The following TLL1 variants were observed in gnomAD, a reference collection of about 807,000 sequenced individuals.
TLL1 encodes tolloid-like protein 1.
Under a neutral mutation model 128.2 loss-of-function variants are expected in TLL1, and 49 were observed. The observed-to-expected ratio is 0.38, with a 90% CI of 0.30 to 0.48. The LOEUF is 0.48. TLL1 is among the 20% of genes least tolerant of loss of function. The probability of loss-of-function intolerance (pLI) is 0.96; values close to 1 mark genes in which losing one functional copy is unlikely to be tolerated. For missense variants in TLL1, 1,123 were observed against 1,242.0 expected, an observed-to-expected ratio of 0.90 and a Z score of 1.44; for synonymous variants, 454 against 418.8, an observed-to-expected ratio of 1.08 and a Z score of -1.03.
At chr4:165,969,254 G>A (rs1388425127) in intron 1 of TLL1, among the ~76,000 whole-genome samples, 1 of 151,930 alleles carries the variant, frequency 6.6e-6, no homozygotes, top group Non-Finnish European at 1.5e-5. Flanking sequence ...GTTTCCTGAT[G>A]GTTGACCAGA....
At chr4:166,001,081 G>A (rs1163468844) in intron 5 of TLL1, among the ~76,000 whole-genome samples, 1 of 152,042 alleles carries the variant, frequency 6.6e-6, no homozygotes, top group Non-Finnish European at 1.5e-5. Context: ...AAAATCAAAA[G>A]GGCTGTCAAA....
intron 1 of TLL1, among the ~76,000 whole-genome samples, chr4:165,927,764 G>C (rs796109448): frequency 1.8e-4 from 28 of 152,172 alleles, no homozygotes; most frequent in Middle Eastern, 3.4e-3. Flanking sequence ...AGGGAGTAGA[G>C]GCTGGAGATG....
intron 5 of TLL1, among the ~76,000 whole-genome samples, chr4:166,002,918 A>T (rs1737236896): frequency 1.3e-5 from 2 of 152,204 alleles, no homozygotes; most frequent in Non-Finnish European, 2.9e-5. Flanking sequence ...TTTCATATTT[A>T]GTACTGAAAT....
chr4:166,060,100 C>A lies in TLL1; in HGVS notation c.1919C>A (p.Pro640His), dbSNP rs749898361. 6 of 1,613,752 alleles carry A rather than the reference C, an allele frequency of 3.7e-6. No individual in the cohort carries two copies. The highest frequency in any genetic ancestry group is 4.2e-6 in the Non-Finnish European group (5 of 1,179,892). ...TTPGWPKEYP[P>H]NKNCVWQVVA... ...CCTGGCTGGCCCAAGGAGTACCCTC[C>A]TAATAAGAACTGTGTGTGGCAAGTG... Residue 640 changes from proline to histidine, a missense_variant, in exon 15 of 21, where the codon CCT (proline) becomes CAT (histidine). By Grantham distance (77) the Pro-to-His change is moderately conservative. Around this residue, in one of 3 missense-constraint regions of TLL1, gnomAD observed 634 missense variants for 672.4 expected, o/e 0.94. Coordinates refer to ENST00000061240, the MANE Select transcript of TLL1 (RefSeq NM_012464.5).
chr4:166,027,092 A>G (rs980202284), intron 9 of TLL1, among the ~76,000 whole-genome samples: 5 of 152,224 alleles, frequency 3.3e-5, no homozygotes, highest in Non-Finnish European at 5.9e-5. Context: ...TTGTAGCAAC[A>G]TAGATGGAGC....
At chr4:165,951,958 C>A (rs895509505) in intron 1 of TLL1, among the ~76,000 whole-genome samples, 3 of 152,070 alleles carry the variant, frequency 2.0e-5, no homozygotes, top group Non-Finnish European at 4.4e-5. Context: ...TTGTACCATT[C>A]TTTATGTGGC....
At chr4:165,923,421 C>CTTTTATTTTTTTTTTTT (rs1733127953) in intron 1 of TLL1, among the ~76,000 whole-genome samples, 1 of 70,832 alleles carries the variant, frequency 1.4e-5, no homozygotes, top group African/African-American at 5.3e-5. Context: ...ATAGGTATAC[C>CTTTTATTTTTTTTTTTT]TTTTTTTTTT....
intron 1 of TLL1, among the ~76,000 whole-genome samples, chr4:165,911,278 G>A (rs1732515610): frequency 1.3e-5 from 2 of 152,110 alleles, no homozygotes; most frequent in Non-Finnish European, 2.9e-5. Context: ...GCATGTGAGT[G>A]AGTACATGCA....
chr4:165,902,301 AC>A (rs1732034179), intron 1 of TLL1, among the ~76,000 whole-genome samples: 1 of 148,880 alleles, frequency 6.7e-6, no homozygotes. Context: ...TGAAAAAAAA[AC>A]AAAAAAACAA....
chr4:165,969,378 T>G (rs1735532093), intron 1 of TLL1, among the ~76,000 whole-genome samples: 1 of 152,150 alleles, frequency 6.6e-6, no homozygotes, highest in African/African-American at 2.4e-5. Flanking sequence ...GACATTCATT[T>G]AGAAAGAGTT....
rs2110938426 is a variant in TLL1 at position 165,950,237 on chromosome 4, T to C, written c.170-39144T>C. ...TCAGAACTATTTATATAGGTTTTTT[T>C]GTTTGTTGTTTTATTTATTTTTACC... On this transcript the variant is annotated intron_variant, in intron 1 of 20. Coordinates refer to ENST00000061240, the MANE Select transcript of TLL1 (RefSeq NM_012464.5). 2.6e-5 allele frequency among the ~76,000 whole-genome samples: 4 copies of C among 152,286 alleles called. No individual in the cohort carries two copies. The South Asian group carries it at 8.3e-4, about 32-fold the overall frequency.
At chr4:165,991,901 T>A (rs1736652032) in intron 2 of TLL1, among the ~76,000 whole-genome samples, 1 of 151,972 alleles carries the variant, frequency 6.6e-6, no homozygotes, top group Non-Finnish European at 1.5e-5. Flanking sequence ...GTTTGCTGAA[T>A]GATAACTTTT....
At chr4:166,047,258 A>G (rs570791355) in intron 12 of TLL1, among the ~76,000 whole-genome samples, 7 of 151,342 alleles carry the variant, frequency 4.6e-5, no homozygotes, top group African/African-American at 7.3e-5. Context: ...TCCACCTCCC[A>G]GGTTCAAGCG....
chr4:165,962,184 G>A (rs1205083934), intron 1 of TLL1, among the ~76,000 whole-genome samples: 2 of 151,986 alleles, frequency 1.3e-5, no homozygotes, highest in Non-Finnish European at 2.9e-5. Context: ...TATCTAAAAA[G>A]GACCTAATAT....
rs112765099 is a variant in TLL1 at position 165,984,070 on chromosome 4, G to A, written c.170-5311G>A. On this transcript the variant is annotated intron_variant, in intron 1 of 20. Transcript: ENST00000061240. ...AATGTTTTAAATAAAACATTGCATG[G>A]GATGCCTTTGTATGAACAAACACTA... Among the ~76,000 whole-genome samples, 496 of 151,810 alleles carry A rather than the reference G, an allele frequency of 3.3e-3. 9 individuals are homozygous for A. Among genetic ancestry groups the A allele is most frequent in the African/African-American group, 0.011 (453 of 41,484 alleles).
intron 18 of TLL1, among the ~76,000 whole-genome samples, chr4:166,081,513 C>G: frequency 6.6e-6 from 1 of 152,276 alleles, no homozygotes; most frequent in East Asian, 1.9e-4. Flanking sequence ...GCAAGCTCCC[C>G]TCGTATCTGC....
chr4:165,999,962 A>T (rs1242066883), intron 5 of TLL1, among the ~76,000 whole-genome samples: 1 of 152,212 alleles, frequency 6.6e-6, no homozygotes, highest in Non-Finnish European at 1.5e-5. Flanking sequence ...GGTTTGGTCT[A>T]CCAAATAATG....
intron 1 of TLL1, among the ~76,000 whole-genome samples, chr4:165,945,580 A>C (rs1365318321): frequency 2.0e-5 from 3 of 152,170 alleles, no homozygotes; most frequent in Admixed American, 6.6e-5. Context: ...TATTCTAAAT[A>C]GGTGATATAA....
At chr4:165,876,922 G>T (rs1303697792) in intron 1 of TLL1, among the ~76,000 whole-genome samples, 1 of 152,162 alleles carries the variant, frequency 6.6e-6, no homozygotes, top group Non-Finnish European at 1.5e-5. Flanking sequence ...TCAAATCCTT[G>T]AGGACAGAGA....
Sources: gnomAD v4.1 joint callset for allele counts (sites outside exome capture counted in the v4.1 genomes callset) on GRCh38, gnomAD v4.1.1 for gene constraint, gnomAD v4.1.1 regional missense constraint, MANE v1.5 for transcripts, NCBI Gene and HGNC (gene_info 2026-07-23, HGNC 2026-07-21) for gene names.